PPP1R21: variants seen among roughly 807,000 people sequenced by gnomAD.
PPP1R21 encodes the protein protein phosphatase 1 regulatory subunit 21, also known as KLRAQ motif containing 1.
PPP1R21 carries 85 observed loss-of-function variants against 112.8 expected under a neutral mutation model. The observed-to-expected ratio is 0.75, with a 90% CI of 0.63 to 0.90. The LOEUF (loss-of-function observed/expected upper bound fraction) is 0.90. Ranked by LOEUF, PPP1R21 falls within the 40% of genes least tolerant of loss-of-function variation. PPP1R21 has a pLI of 0.00. For synonymous variants in PPP1R21, 381 were observed against 322.3 expected (o/e 1.18, Z -1.95); for missense variants, 1,199 against 901.5 (o/e 1.33, Z -4.23).
At chr2:48,451,197 GACAGTA>G in intron 2 of PPP1R21, 121 bp downstream of exon 2, 1 of 757,940 alleles carries the variant, frequency 1.3e-6, no homozygotes, top group Non-Finnish European at 2.4e-6. Flanking sequence ...AGGGATAGGG[GACAGTA>G]ATACAGTCTT....
chr2:48,454,858 G>C (rs77272589), intron 3 of PPP1R21, 117 bp downstream of exon 3: 56,090 of 803,124 alleles, frequency 0.07, 2,870 homozygotes, highest in South Asian at 0.16. Context: ...TTGTTTGTTT[G>C]AGACAGGGTC....
chr2:48,464,721 G>A (rs908891227), intron 7 of PPP1R21, among the ~76,000 whole-genome samples: 5 of 151,896 alleles, frequency 3.3e-5, no homozygotes, highest in Non-Finnish European at 7.4e-5. Context: ...GATTTGTTTG[G>A]GTTTTTTTTA....
chr2:48,514,800 G>A lies in PPP1R21; in HGVS notation c.*56G>A, dbSNP rs1032932541. ...TCCAGACCTGCTCCTGCTGCACAGA[G>A]CCGCAGGGCTGAGACCACGTCCATG... On this transcript the variant is annotated 3_prime_UTR_variant, in exon 22 of 22. Coordinates refer to ENST00000294952, the MANE Select transcript of PPP1R21 (RefSeq NM_001135629.3). The A allele has an allele frequency of 6.3e-7, 1 of 1,598,548 alleles. No individual in the cohort carries two copies. Among genetic ancestry groups the A allele is most frequent in the African/African-American group, 1.3e-5 (1 of 74,508 alleles).
At chr2:48,482,389 G>A (rs1669055081) in intron 13 of PPP1R21, among the ~76,000 whole-genome samples, 1 of 152,182 alleles carries the variant, frequency 6.6e-6, no homozygotes, top group South Asian at 2.1e-4. Context: ...GAAGGTCTTA[G>A]TACTGCAACC....
intron 7 of PPP1R21, 146 bp downstream of exon 7, chr2:48,461,378 G>A (rs1369676937): frequency 1.3e-5 from 16 of 1,243,992 alleles, no homozygotes; most frequent in African/African-American, 9.5e-5. Flanking sequence ...TTGATCAGCC[G>A]TGGTAATCAT....
intron 11 of PPP1R21, among the ~76,000 whole-genome samples, chr2:48,473,020 A>T (rs1245103185): frequency 6.6e-6 from 1 of 150,474 alleles, no homozygotes; most frequent in African/African-American, 2.4e-5. Flanking sequence ...AAAAAAAAAG[A>T]AAAGAATATA....
In PPP1R21 at chr2:48,491,152, T is replaced by C; in HGVS notation, c.1581T>C (p.Tyr527=). ...MLQYKKKAAA[Y]MKSLRKPLLE... ...AGTATAAGAAAAAAGCTGCTGCCTA[T>C]ATGAAGTCTTTGAGAAAGGTTTGTT... The change falls in exon 15 of 22, where the codon TAT becomes TAC. Residue 527 remains tyrosine, a synonymous_variant. Transcript: ENST00000294952. 6.2e-7 allele frequency: 1 copy of C among 1,612,198 alleles called. No individual in the cohort carries two copies. The highest frequency in any genetic ancestry group is 8.5e-7 in the Non-Finnish European group (1 of 1,179,556).
chr2:48,481,101 G>C (rs1484725736), intron 13 of PPP1R21, among the ~76,000 whole-genome samples: 1 of 152,192 alleles, frequency 6.6e-6, no homozygotes, highest in Non-Finnish European at 1.5e-5. Context: ...TGATTCTTCT[G>C]CCTCAGCCTC....
chr2:48,502,355 G>A (rs868421356), intron 17 of PPP1R21, among the ~76,000 whole-genome samples: 2 of 151,738 alleles, frequency 1.3e-5, no homozygotes, highest in Non-Finnish European at 2.9e-5. Context: ...GATTTCTGCC[G>A]AAAATAACCT....
intron 12 of PPP1R21, among the ~76,000 whole-genome samples, chr2:48,477,116 ATTTTTTTTTTTTTT>A (rs779139882): frequency 8.7e-6 from 1 of 114,770 alleles, no homozygotes; most frequent in Non-Finnish European, 1.8e-5. Flanking sequence ...TTTTGAATTA[ATTTTTTTTTTTTTT>A]TTTTTTTTTT....
chr2:48,500,488 G>A (rs1670060425), intron 17 of PPP1R21, among the ~76,000 whole-genome samples: 1 of 151,426 alleles, frequency 6.6e-6, no homozygotes, highest in East Asian at 1.9e-4. Context: ...GGTATGGGGG[G>A]AAAAAACCCA....
At position 48,514,817 on chromosome 2, in the gene PPP1R21, A is replaced by C; in HGVS notation, c.*73A>C. 2 of 1,507,154 alleles carry C rather than the reference A, an allele frequency of 1.3e-6. No individual in the cohort carries two copies. Among genetic ancestry groups the C allele is most frequent in the South Asian group, 2.3e-5 (2 of 86,266 alleles). 93.4% of individuals were successfully genotyped at this position (1,507,154 alleles called of 1,614,324 possible). On this transcript the variant is annotated 3_prime_UTR_variant, in exon 22 of 22. Transcript: ENST00000294952. ...TGCACAGAGCCGCAGGGCTGAGACC[A>C]CGTCCATGCTGGCTGCCTTCAGGAA... is the stretch of plus-strand genomic sequence containing the variant.
At position 48,483,949 on chromosome 2, in the gene PPP1R21, A is replaced by G. The variant is rs1669154878; in HGVS notation, c.1319-2682A>G. On this transcript the variant is annotated intron_variant, in intron 13 of 21. Coordinates refer to ENST00000294952, the MANE Select transcript of PPP1R21 (RefSeq NM_001135629.3). ...GTGATCCTTCTGCTTCGGTCTCCCA[A>G]AGTGCTGGGATTACATGCATGAACT... Among the ~76,000 whole-genome samples, 9 of 152,070 alleles carry G rather than the reference A, an allele frequency of 5.9e-5. No homozygotes were observed. In the South Asian group the frequency reaches 1.9e-3, roughly 32 times the overall value.
At chr2:48,498,825 A>G (rs1396524546) in intron 17 of PPP1R21, 90 bp downstream of exon 17, 34 of 1,305,812 alleles carry the variant, frequency 2.6e-5, no homozygotes, top group Non-Finnish European at 4.3e-6. Flanking sequence ...GTCTTAGTTC[A>G]TTCAGGCTGC....
At position 48,484,888 on chromosome 2, in the gene PPP1R21, T is replaced by C. The variant is rs1669209222; in HGVS notation, c.1319-1743T>C. Among the ~76,000 whole-genome samples, 9 of 152,242 alleles carry C rather than the reference T, an allele frequency of 5.9e-5. No homozygotes were observed. In the South Asian group the frequency reaches 1.9e-3, roughly 31 times the overall value. ...GCATTGTTCTTAGTATTGTACTTTT[T>C]TCATGAGTACCTCAATTACCATCAA... On this transcript the variant is annotated intron_variant, in intron 13 of 21. Transcript: ENST00000294952.
chr2:48,494,631 G>C (rs1669737888), intron 15 of PPP1R21, among the ~76,000 whole-genome samples: 1 of 151,976 alleles, frequency 6.6e-6, no homozygotes. Flanking sequence ...GGTCAGGCTG[G>C]TCTCGAACTC....
intron 1 of PPP1R21, among the ~76,000 whole-genome samples, chr2:48,449,258 AG>A (rs1667377092): frequency 6.6e-6 from 1 of 152,200 alleles, no homozygotes; most frequent in South Asian, 2.1e-4. Context: ...AGCATTTTAT[AG>A]TTTAGAAAGT....
rs954550392 is a variant in PPP1R21, at chr2:48,502,788, C to T, written c.1936-2776C>T. On this transcript the variant is annotated intron_variant, in intron 17 of 21. Coordinates refer to ENST00000294952, the MANE Select transcript of PPP1R21 (RefSeq NM_001135629.3). ...CTCCGCTTCCCGGGTTCACGCCATT[C>T]TCCTGCCTCAGGCTTCCAAGTAGCT... Among the ~76,000 whole-genome samples the T allele has an allele frequency of 2.7e-5, 4 of 145,984 alleles. No individual in the cohort carries two copies. In the South Asian group the frequency reaches 8.6e-4, roughly 31 times the overall value.
At chr2:48,489,732 A>C (rs1669471490) in intron 14 of PPP1R21, among the ~76,000 whole-genome samples, 1 of 152,008 alleles carries the variant, frequency 6.6e-6, no homozygotes, top group Non-Finnish European at 1.5e-5. Context: ...CAACATGTTG[A>C]AACCCTGTCT....
Sources: gnomAD v4.1 joint callset for allele counts (sites outside exome capture counted in the v4.1 genomes callset) on GRCh38, gnomAD v4.1.1 for gene constraint, MANE v1.5 for transcripts, NCBI Gene and HGNC (gene_info 2026-07-23, HGNC 2026-07-21) for gene names.